DAGLA: variants seen among roughly 807,000 people sequenced by gnomAD.
The protein encoded by DAGLA is diacylglycerol lipase-alpha.
In DAGLA, 22 loss-of-function variants were observed where a neutral mutation model predicts 102.6. That is an observed-to-expected ratio of 0.21 (90% CI 0.15 to 0.31). DAGLA has a LOEUF of 0.31. Ranked by LOEUF, DAGLA falls within the 10% of genes least tolerant of loss-of-function variation. The pLI is 1.00. For synonymous variants in DAGLA, 578 were observed against 628.9 expected (o/e 0.92, Z 1.21); for missense variants, 927 against 1,446.6 (o/e 0.64, Z 5.83).
intron 1 of DAGLA, among the ~76,000 whole-genome samples, chr11:61,717,172 C>T (rs754311816): frequency 7.9e-5 from 12 of 152,172 alleles, no homozygotes; most frequent in Non-Finnish European, 1.5e-4. Context: ...AGCCTCTGCC[C>T]TCCCCGCTCC....
At chr11:61,712,511 C>T (rs1271758762) in intron 1 of DAGLA, among the ~76,000 whole-genome samples, 1 of 152,210 alleles carries the variant, frequency 6.6e-6, no homozygotes, top group African/African-American at 2.4e-5. Flanking sequence ...TGTTTTCATC[C>T]CTAGGCCTGG....
chr11:61,734,994 C>T lies in DAGLA; in HGVS notation c.1120C>T (p.His374Tyr). ...TAVDIVYTSC[H>Y]DAVYETPFYV... Reference sequence around the variant, plus strand: ...GGTGGACATCGTCTATACCTCCTGCCATGATGCGGTGAGGCCGGGCAGGGC... The same window carrying T: ...GGTGGACATCGTCTATACCTCCTGCTATGATGCGGTGAGGCCGGGCAGGGC... Residue 374 changes from histidine (H) to tyrosine (Y), a missense_variant, in exon 10 of 20, where the codon CAT becomes TAT. Transcript: ENST00000257215. This position sits in a 1 kb window ranked among gnomAD's most constrained non-coding sequence, Gnocchi z 4.2. 1 of 1,613,378 alleles carries T rather than the reference C, an allele frequency of 6.2e-7. No individual in the cohort carries two copies. The highest frequency in any genetic ancestry group is 8.5e-7 in the Non-Finnish European group (1 of 1,179,536).
In DAGLA at chr11:61,725,769, A is replaced by G. The variant is rs188662677; in HGVS notation, c.549-226A>G. ...CCACCCTTGGCCAACGGCACACACC[A>G]TCTTAGGCTAGCAGGAGTCTGTCAG... On this transcript the variant is annotated intron_variant, in intron 5 of 19. Coordinates refer to ENST00000257215, the MANE Select transcript of DAGLA (RefSeq NM_006133.3). Among the ~76,000 whole-genome samples the G allele has an allele frequency of 5.7e-4, 86 of 151,978 alleles. 1 individual carries two copies. The highest frequency in any genetic ancestry group is 3.4e-3 in the Middle Eastern group (1 of 294).
At chr11:61,735,320 G>A (rs974320289) in intron 10 of DAGLA, among the ~76,000 whole-genome samples, 1 of 152,158 alleles carries the variant, frequency 6.6e-6, no homozygotes, top group East Asian at 1.9e-4. Flanking sequence ...GGACTCAGGG[G>A]CAAGTGGTGG....
In DAGLA at chr11:61,684,273, G is replaced by A. The variant is rs1422374185; in HGVS notation, c.-45+3769G>A. 2.6e-5 allele frequency among the ~76,000 whole-genome samples: 4 copies of A among 152,236 alleles called. No homozygotes were observed. The highest frequency in any genetic ancestry group is 6.5e-5 in the Admixed American group (1 of 15,286). ...CACTCCAGTGGACTGGGCAAGTAGC[G>A]CTGGGGGAAATATCAATGAGCATGT... On this transcript the variant is annotated intron_variant, in intron 1 of 19. Transcript: ENST00000257215. This position sits in a 1 kb window ranked among gnomAD's most constrained non-coding sequence, Gnocchi z 4.5.
chr11:61,743,099 T>C (rs1046781962), intron 19 of DAGLA, among the ~76,000 whole-genome samples: 1 of 152,076 alleles, frequency 6.6e-6, no homozygotes. Context: ...GCGCGGTGGC[T>C]CACGCCTGTA....
At chr11:61,704,765 GA>G (rs993691256) in intron 1 of DAGLA, among the ~76,000 whole-genome samples, 1 of 152,230 alleles carries the variant, frequency 6.6e-6, no homozygotes, top group African/African-American at 2.4e-5. Flanking sequence ...CTGGCATACA[GA>G]GACCCTCTTT....
At chr11:61,719,380 C>G (rs993962260) in intron 1 of DAGLA, among the ~76,000 whole-genome samples, 1 of 152,116 alleles carries the variant, frequency 6.6e-6, no homozygotes, top group Non-Finnish European at 1.5e-5. Context: ...GAAGGTGTCC[C>G]AAGCCCTACT....
rs866641215 is a variant in DAGLA at position 61,743,578 on chromosome 11, C to T, written c.2218C>T (p.Arg740Trp). ...EMSLEGFSEG[R>W]LLSPVVAAAA... ...GAGCCTGGAGGGCTTCTCGGAGGGG[C>T]GGCTGCTGTCGCCAGTGGTTGCGGC... The change falls in exon 20 of 20, where the codon CGG (arginine) becomes TGG (tryptophan). Residue 740 changes from arginine (R) to tryptophan (W), a missense_variant. Physicochemically the swap from Arg to Trp is moderately radical, Grantham distance 101. This residue lies in a region of DAGLA where 434 missense variants were observed against 503.3 expected (regional missense o/e 0.86). Transcript: ENST00000257215. The T allele has an allele frequency of 7.7e-6, 12 of 1,555,544 alleles. 1 individual carries two copies. The highest frequency in any genetic ancestry group is 3.6e-4 in the Middle Eastern group (2 of 5,596).
chr11:61,713,803 G>A (rs1184109028), intron 1 of DAGLA, among the ~76,000 whole-genome samples: 1 of 152,190 alleles, frequency 6.6e-6, no homozygotes, highest in Non-Finnish European at 1.5e-5. Flanking sequence ...GAGTCCCGCA[G>A]ATCAGATGCC....
At chr11:61,701,338 G>T (rs1405929566) in intron 1 of DAGLA, among the ~76,000 whole-genome samples, 1 of 152,216 alleles carries the variant, frequency 6.6e-6, no homozygotes, top group African/African-American at 2.4e-5. Flanking sequence ...TGGGGACTAG[G>T]AGCCAGCCTC....
intron 18 of DAGLA, 147 bp from the exon 19 acceptor site, chr11:61,741,014 TG>T: frequency 1.4e-6 from 1 of 707,032 alleles, no homozygotes; most frequent in Non-Finnish European, 2.3e-6. Flanking sequence ...CCTTGGGGAG[TG>T]GTGACCTCAG....
At chr11:61,743,378 A>T (rs940997097) in intron 19 of DAGLA, among the ~76,000 whole-genome samples, 154 bp from the exon 20 acceptor site, 6 of 152,008 alleles carry the variant, frequency 3.9e-5, no homozygotes, top group African/African-American at 1.4e-4. Context: ...AAAAAAAAAA[A>T]AAAGAAAATA....
At chr11:61,698,791 C>G (rs963978946) in intron 1 of DAGLA, among the ~76,000 whole-genome samples, 1 of 152,172 alleles carries the variant, frequency 6.6e-6, no homozygotes, top group Non-Finnish European at 1.5e-5. Flanking sequence ...TCCTGGAGCT[C>G]CCAGCCCAGT....
intron 1 of DAGLA, among the ~76,000 whole-genome samples, chr11:61,714,079 CAGG>C (rs1288629893): frequency 6.6e-6 from 1 of 152,150 alleles, no homozygotes; most frequent in African/African-American, 2.4e-5. Context: ...CTTTGGCAAC[CAGG>C]AAGTGTGGCG....
chr11:61,685,465 T>C (rs893859647), intron 1 of DAGLA, among the ~76,000 whole-genome samples: 2 of 152,184 alleles, frequency 1.3e-5, no homozygotes, highest in Non-Finnish European at 2.9e-5. Context: ...CTGTTAGCAG[T>C]GTCATCAGCA....
chr11:61,698,473 A>G (rs2065083898), intron 1 of DAGLA, among the ~76,000 whole-genome samples: 1 of 151,910 alleles, frequency 6.6e-6, no homozygotes, highest in African/African-American at 2.4e-5. Flanking sequence ...GCTTTTGGAG[A>G]TGGGGAGGCA....
intron 1 of DAGLA, among the ~76,000 whole-genome samples, chr11:61,682,967 C>G (rs546333504): frequency 6.6e-6 from 1 of 152,286 alleles, no homozygotes; most frequent in South Asian, 2.1e-4. Context: ...CCACTTCTGG[C>G]TGAAGTGCCT....
chr11:61,741,765 C>A (rs985316230), intron 19 of DAGLA, among the ~76,000 whole-genome samples: 2 of 152,168 alleles, frequency 1.3e-5, no homozygotes, highest in Non-Finnish European at 2.9e-5. Flanking sequence ...GCGCCTGCCA[C>A]CGTGCCCAGC....
Sources: gnomAD v4.1 joint callset for allele counts (sites outside exome capture counted in the v4.1 genomes callset) on GRCh38, gnomAD v4.1.1 for gene constraint, gnomAD v4.1.1 regional missense constraint, Gnocchi (gnomAD v3.1) non-coding constraint, MANE v1.5 for transcripts, NCBI Gene and HGNC (gene_info 2026-07-23, HGNC 2026-07-21) for gene names.